The following TAFA4 variants were observed in gnomAD, a reference collection of about 807,000 sequenced individuals.
TAFA4 encodes the protein chemokine-like protein TAFA-4.
TAFA4 carries 20 observed loss-of-function variants against 21.1 expected under a neutral mutation model. That is an observed-to-expected ratio of 0.95 (90% CI 0.67 to 1.38). TAFA4 has a LOEUF of 1.38. Among genes scored for constraint, TAFA4 ranks in the 40% most tolerant of loss-of-function variants. The probability of loss-of-function intolerance (pLI) is 0.00; values close to 1 mark genes in which losing one functional copy is unlikely to be tolerated. For synonymous variants in TAFA4, 71 were observed against 67.4 expected (o/e 1.05, Z -0.26); for missense variants, 211 against 180.9 (o/e 1.17, Z -0.95).
chr3:68,895,044 G>C (rs1559556225), intron 1 of TAFA4, among the ~76,000 whole-genome samples: 1 of 151,796 alleles, frequency 6.6e-6, no homozygotes, highest in Non-Finnish European at 1.5e-5. Flanking sequence ...TTTAGATGGA[G>C]TCTCACTCTA....
chr3:68,897,154 G>A (rs942732779), intron 1 of TAFA4, among the ~76,000 whole-genome samples: 4 of 151,854 alleles, frequency 2.6e-5, no homozygotes, highest in Middle Eastern at 3.4e-3. Flanking sequence ...CGCCCGCCTC[G>A]ACCTCCCAAA....
chr3:68,785,367 C>A (rs537855267), intron 3 of TAFA4, among the ~76,000 whole-genome samples: 2 of 152,226 alleles, frequency 1.3e-5, no homozygotes, highest in African/African-American at 2.4e-5. Flanking sequence ...CAGGGGGCTG[C>A]GCTCTCGTCG....
intron 1 of TAFA4, among the ~76,000 whole-genome samples, chr3:68,909,459 T>C (rs2089935628): frequency 6.6e-6 from 1 of 152,170 alleles, no homozygotes; most frequent in Admixed American, 6.5e-5. Context: ...ATATATCTAC[T>C]GAATGAGTGA....
intron 3 of TAFA4, among the ~76,000 whole-genome samples, chr3:68,809,704 T>C (rs190694117): frequency 6.6e-6 from 1 of 152,280 alleles, no homozygotes; most frequent in Admixed American, 6.5e-5. Flanking sequence ...AGTCTTATCT[T>C]TAACTGCATT....
At chr3:68,850,353 C>A (rs1704913862) in intron 3 of TAFA4, among the ~76,000 whole-genome samples, 1 of 152,088 alleles carries the variant, frequency 6.6e-6, no homozygotes, top group Non-Finnish European at 1.5e-5. Context: ...AAAATATAGC[C>A]CCTATCCCCA....
chr3:68,896,454 C>T (rs554963552), intron 1 of TAFA4, among the ~76,000 whole-genome samples: 1 of 152,230 alleles, frequency 6.6e-6, no homozygotes, highest in East Asian at 1.9e-4. Flanking sequence ...GCACCGAGCA[C>T]ACAACAGGTT....
intron 1 of TAFA4, among the ~76,000 whole-genome samples, chr3:68,905,899 T>G (rs1254948651): frequency 6.6e-6 from 1 of 152,242 alleles, no homozygotes; most frequent in Non-Finnish European, 1.5e-5. Context: ...TTTGTTGCTT[T>G]CTTTGTTTCT....
chr3:68,880,621 T>A (rs1177406870), intron 3 of TAFA4, 109 bp downstream of exon 3: 2 of 847,528 alleles, frequency 2.4e-6, no homozygotes, highest in Non-Finnish European at 3.9e-6. Context: ...CTCTAGTTAT[T>A]TACACACCAT....
At chr3:68,737,867 C>T (rs1559753831) in intron 5 of TAFA4, among the ~76,000 whole-genome samples, 1 of 152,098 alleles carries the variant, frequency 6.6e-6, no homozygotes, top group Non-Finnish European at 1.5e-5. Context: ...GCAATGAGAA[C>T]CAAAGACTCA....
At position 68,794,204 on chromosome 3, in the gene TAFA4, C is replaced by A. The variant is rs1053369963; in HGVS notation, c.131-41186G>T. On this transcript the variant is annotated intron_variant, in intron 3 of 5. Transcript: ENST00000295569. ...GTTTTAAGGAGTCACTGTCCATGAA[C>A]CCAAGCTAAGGAAAGACTACTCCAA... Among the ~76,000 whole-genome samples, 3 of 152,114 alleles carry A rather than the reference C, an allele frequency of 2.0e-5. No homozygotes were observed. The East Asian group carries it at 5.8e-4, about 29-fold the overall frequency.
At position 68,733,141 on chromosome 3, in the gene TAFA4, G is replaced by C; in HGVS notation, c.*1C>G. 1 of 1,612,436 alleles carries C rather than the reference G, an allele frequency of 6.2e-7. No individual in the cohort carries two copies. Among genetic ancestry groups the C allele is most frequent in the Non-Finnish European group, 8.5e-7 (1 of 1,179,172 alleles). On this transcript the variant is annotated 3_prime_UTR_variant, in exon 6 of 6. Transcript: ENST00000295569. ...AGGATTGAAGCACACCTCTCTCTTCGCTACCGCGTTACCTAAAACAAATCA... is the reference window on the plus strand; with the variant it reads ...AGGATTGAAGCACACCTCTCTCTTCCCTACCGCGTTACCTAAAACAAATCA...
intron 3 of TAFA4, among the ~76,000 whole-genome samples, chr3:68,856,563 T>C (rs1705074998): frequency 6.6e-6 from 1 of 152,108 alleles, no homozygotes. Context: ...GCAGGCTCCA[T>C]AGGTACAACA....
chr3:68,807,789 C>T (rs1011296221), intron 3 of TAFA4, among the ~76,000 whole-genome samples: 8 of 152,138 alleles, frequency 5.3e-5, no homozygotes, highest in African/African-American at 1.7e-4. Flanking sequence ...CATAAGATTG[C>T]TTTGTATTAA....
intron 1 of TAFA4, among the ~76,000 whole-genome samples, chr3:68,928,589 G>A (rs951214035): frequency 6.6e-6 from 1 of 152,072 alleles, no homozygotes; most frequent in African/African-American, 2.4e-5. Context: ...TAAACCTTTC[G>A]TTTATAACTG....
At chr3:68,735,862 ATTG>A (rs1407375402) in intron 5 of TAFA4, among the ~76,000 whole-genome samples, 1 of 152,162 alleles carries the variant, frequency 6.6e-6, no homozygotes, top group African/African-American at 2.4e-5. Flanking sequence ...GGGTCAAATA[ATTG>A]TTGTAGAAGC....
At chr3:68,867,354 A>T (rs1053799606) in intron 3 of TAFA4, among the ~76,000 whole-genome samples, 20 of 152,122 alleles carry the variant, frequency 1.3e-4, no homozygotes, top group Admixed American at 2.6e-4. Context: ...AACATGAAGG[A>T]CAGATGAAGT....
At chr3:68,779,087 C>G (rs931952336) in intron 3 of TAFA4, among the ~76,000 whole-genome samples, 1 of 152,178 alleles carries the variant, frequency 6.6e-6, no homozygotes, top group African/African-American at 2.4e-5. Flanking sequence ...AAAAGTTACT[C>G]TTGTTATGTT....
At chr3:68,925,271 C>A (rs1000378776) in intron 1 of TAFA4, among the ~76,000 whole-genome samples, 1 of 152,052 alleles carries the variant, frequency 6.6e-6, no homozygotes, top group Non-Finnish European at 1.5e-5. Context: ...AAGAAAGCTG[C>A]GACTCTGATG....
At chr3:68,805,247 C>T (rs1703665900) in intron 3 of TAFA4, among the ~76,000 whole-genome samples, 2 of 152,298 alleles carry the variant, frequency 1.3e-5, no homozygotes, top group Non-Finnish European at 2.9e-5. Flanking sequence ...ATCAAAACCA[C>T]AATGAGATAC....
Sources: allele counts gnomAD v4.1 joint callset (sites outside exome capture counted in the v4.1 genomes callset), GRCh38; gene constraint gnomAD v4.1.1; transcripts MANE v1.5; gene names NCBI Gene and HGNC (gene_info 2026-07-23, HGNC 2026-07-21).